The following NR4A3 variants were observed in gnomAD, a reference collection of about 807,000 sequenced individuals.
NR4A3 encodes nuclear receptor subfamily 4 group A member 3.
NR4A3 carries 13 observed loss-of-function variants against 55.6 expected under a neutral mutation model. The observed-to-expected ratio is 0.23, with a 90% CI of 0.15 to 0.37. The LOEUF (loss-of-function observed/expected upper bound fraction) is 0.37. NR4A3 is among the 10% of genes least tolerant of loss of function. NR4A3 has a pLI of 1.00. For synonymous variants in NR4A3, 342 were observed against 357.9 expected (o/e 0.96, Z 0.50); for missense variants, 646 against 822.8 (o/e 0.79, Z 2.63).
intron 5 of NR4A3, among the ~76,000 whole-genome samples, chr9:99,840,699 A>C (rs1827635947): frequency 6.6e-6 from 1 of 152,146 alleles, no homozygotes; most frequent in Non-Finnish European, 1.5e-5. Flanking sequence ...CTGCACAGCA[A>C]GTCAGTGCAG....
chr9:99,839,361 C>T (rs1363837655), intron 5 of NR4A3, among the ~76,000 whole-genome samples: 1 of 152,164 alleles, frequency 6.6e-6, no homozygotes, highest in Non-Finnish European at 1.5e-5. Flanking sequence ...AAAACGTGTC[C>T]TTAGCGTAGT....
At chr9:99,860,149 T>C (rs1429672742) in intron 7 of NR4A3, among the ~76,000 whole-genome samples, 1 of 152,154 alleles carries the variant, frequency 6.6e-6, no homozygotes, top group East Asian at 1.9e-4. Context: ...GAAGAAATAA[T>C]TTTTGCATAG....
At position 99,865,800 on chromosome 9, in the gene NR4A3, T is replaced by C. The variant is rs1337751038; in HGVS notation, c.*1933T>C. ...GTCATTCTAATATTTGATTATGTTA[T>C]GTGTGCTTTTATGAAAGATTGTTAT... On this transcript the variant is annotated 3_prime_UTR_variant, in exon 8 of 8. Transcript: ENST00000395097. This position sits in a 1 kb window ranked among gnomAD's most constrained non-coding sequence, Gnocchi z 4.3. 9.5e-6 allele frequency: 2 copies of C among 210,274 alleles called. No individual in the cohort carries two copies. The highest frequency in any genetic ancestry group is 5.9e-5 in the Admixed American group (1 of 16,962). The allele number at this position is 210,274 out of a possible 1,614,324, so 13.0% of individuals were successfully genotyped here. A position where few individuals can be genotyped will look rare whatever the true frequency, so the allele number is the denominator to read the frequency against.
intron 5 of NR4A3, among the ~76,000 whole-genome samples, chr9:99,834,333 T>C (rs1319753699): frequency 6.6e-6 from 1 of 152,052 alleles, no homozygotes. Flanking sequence ...ACTAAACTTC[T>C]AGCAAAACAG....
At chr9:99,831,505 C>T (rs1232271773) in intron 3 of NR4A3, among the ~76,000 whole-genome samples, 2 of 152,146 alleles carry the variant, frequency 1.3e-5, no homozygotes, top group Admixed American at 1.3e-4. Context: ...TAAAAGGTAA[C>T]AGGGTAAAAC....
chr9:99,859,699 A>AAT (rs1372420973), intron 7 of NR4A3, among the ~76,000 whole-genome samples: 2 of 152,174 alleles, frequency 1.3e-5, no homozygotes, highest in African/African-American at 4.8e-5. Flanking sequence ...ATTCTGCAGT[A>AAT]CCTTCTGTGA....
At chr9:99,832,169 A>C (rs529998142) in intron 3 of NR4A3, among the ~76,000 whole-genome samples, 1 of 152,316 alleles carries the variant, frequency 6.6e-6, no homozygotes, top group African/African-American at 2.4e-5. Context: ...TTTTTGCATT[A>C]AAACATTATT....
rs1175040892 is a variant in NR4A3, at chr9:99,825,190, G to A, written c.-176-469G>A. Reference sequence around the variant, plus strand: ...ATTTCCTATGCAACGTGTAAAATTTGTATTTGAGGGGTGGGGGCGGGCGGA... The same window carrying A: ...ATTTCCTATGCAACGTGTAAAATTTATATTTGAGGGGTGGGGGCGGGCGGA... On this transcript the variant is annotated intron_variant, in intron 1 of 7. Coordinates refer to ENST00000395097, the MANE Select transcript of NR4A3 (RefSeq NM_006981.4). This position sits in a 1 kb window ranked among gnomAD's most constrained non-coding sequence, Gnocchi z 5.0. Among the ~76,000 whole-genome samples the A allele has an allele frequency of 2.0e-5, 3 of 150,790 alleles. No homozygotes were observed. Among genetic ancestry groups the A allele is most frequent in the Non-Finnish European group, 3.0e-5 (2 of 67,712 alleles).
rs1341577457 is a variant in NR4A3, at chr9:99,866,116, T to G, written c.*2249T>G. 1 of 212,178 alleles carries G rather than the reference T, an allele frequency of 4.7e-6. No homozygotes were observed. The highest frequency in any genetic ancestry group is 9.6e-6 in the Non-Finnish European group (1 of 104,496). 13.1% of individuals were successfully genotyped at this position (212,178 alleles called of 1,614,324 possible). A position where few individuals can be genotyped will look rare whatever the true frequency, so the allele number is the denominator to read the frequency against. On this transcript the variant is annotated 3_prime_UTR_variant, in exon 8 of 8. Coordinates refer to ENST00000395097, the MANE Select transcript of NR4A3 (RefSeq NM_006981.4). ...GAAGATAACCATGAGTAAAGTATACTTTTGCATTAATTTTTTGAGCTTATA... is the reference window on the plus strand; with the variant it reads ...GAAGATAACCATGAGTAAAGTATACGTTTGCATTAATTTTTTGAGCTTATA...
rs1828098232 is a variant in NR4A3, at chr9:99,866,399, T to C, written c.*2532T>C. On this transcript the variant is annotated 3_prime_UTR_variant, in exon 8 of 8. Transcript: ENST00000395097. ...CACCCATCAGATTTAAGGAAAAGAC[T>C]TTTTAGCCATTATAATCTAGTGGTT... 4.5e-6 allele frequency: 1 copy of C among 223,416 alleles called. No individual in the cohort carries two copies. Among genetic ancestry groups the C allele is most frequent in the African/African-American group, 2.2e-5 (1 of 44,816 alleles). The allele number at this position is 223,416 out of a possible 1,614,324, so 13.8% of individuals were successfully genotyped here.
rs528159926 is a variant in NR4A3 at position 99,842,934 on chromosome 9, A to G, written c.1255-1715A>G. On this transcript the variant is annotated intron_variant, in intron 5 of 7. Coordinates refer to ENST00000395097, the MANE Select transcript of NR4A3 (RefSeq NM_006981.4). ...AATCCCTACCCATGAGGATCAGTTCAGAAAAGGAATGCAAAATGATGCACA... is the reference window on the plus strand; with the variant it reads ...AATCCCTACCCATGAGGATCAGTTCGGAAAAGGAATGCAAAATGATGCACA... Among the ~76,000 whole-genome samples, 11 of 152,378 alleles carry G rather than the reference A, an allele frequency of 7.2e-5. No individual in the cohort carries two copies. The South Asian group carries it at 2.3e-3, about 32-fold the overall frequency.
intron 7 of NR4A3, among the ~76,000 whole-genome samples, chr9:99,857,875 C>A (rs1423664619): frequency 6.6e-6 from 1 of 152,084 alleles, no homozygotes; most frequent in Non-Finnish European, 1.5e-5. Context: ...TTGTAAAGTT[C>A]TTTACTGTTG....
At chr9:99,859,782 T>A (rs1225813251) in intron 7 of NR4A3, among the ~76,000 whole-genome samples, 2 of 152,204 alleles carry the variant, frequency 1.3e-5, no homozygotes, top group Non-Finnish European at 2.9e-5. Context: ...AACATATTAC[T>A]CAGTTCCTGT....
chr9:99,834,850 T>TCATAA, intron 5 of NR4A3: 1 of 984,854 alleles, frequency 1.0e-6, no homozygotes. Context: ...GGTTGAGGAC[T>TCATAA]CTTATTCTGA....
rs777114849 is a variant in NR4A3, at chr9:99,828,875, C to G, written c.833C>G (p.Pro278Arg). ...CTGCTGGGCGAGAGTCCCAGCCTGC[C>G]GTCGCCGCCCAGCAGGAGCTCGTCG... is the stretch of plus-strand genomic sequence containing the variant. ...SSLLGESPSLPSPPSRSSSSG... is the reference protein window; with the variant it reads ...SSLLGESPSLRSPPSRSSSSG... Residue 278 changes from proline (P) to arginine (R), a missense_variant, in exon 3 of 8, where the codon CCG becomes CGG. Pro to Arg is a moderately radical substitution (Grantham distance 103). Coordinates refer to ENST00000395097, the MANE Select transcript of NR4A3 (RefSeq NM_006981.4). The surrounding 1 kb of genome is among the most constrained non-coding windows in gnomAD (Gnocchi z 7.7). 3 of 1,501,176 alleles carry G rather than the reference C, an allele frequency of 2.0e-6. No homozygotes were observed. The highest frequency in any genetic ancestry group is 2.7e-6 in the Non-Finnish European group (3 of 1,129,142). The allele number at this position is 1,501,176 out of a possible 1,614,324, so 93.0% of individuals were successfully genotyped here. A position where few individuals can be genotyped will look rare whatever the true frequency, so the allele number is the denominator to read the frequency against.
At chr9:99,826,015 A>C (rs1827289479) in intron 2 of NR4A3, among the ~76,000 whole-genome samples, 183 bp downstream of exon 2, 1 of 152,228 alleles carries the variant, frequency 6.6e-6, no homozygotes, top group Non-Finnish European at 1.5e-5. Flanking sequence ...CCCTGTTGCT[A>C]CTGAGTGGAG....
intron 1 of NR4A3, among the ~76,000 whole-genome samples, chr9:99,824,516 G>A (rs1827255028): frequency 6.6e-6 from 1 of 152,220 alleles, no homozygotes. Context: ...CTGGGGCTGG[G>A]GGTGGCAAGG....
Position 99,822,911 on chromosome 9 carries a change from T to G in NR4A3, c.-177+504T>G, listed in dbSNP as rs1564027982. Among the ~76,000 whole-genome samples the G allele has an allele frequency of 2.0e-5, 3 of 152,122 alleles. No individual in the cohort carries two copies. The highest frequency in any genetic ancestry group is 7.2e-5 in the African/African-American group (3 of 41,412). On this transcript the variant is annotated intron_variant, in intron 1 of 7. Transcript: ENST00000395097. The surrounding 1 kb of genome is among the most constrained non-coding windows in gnomAD (Gnocchi z 4.9). ...CCGAGCTGGTTCTCTGGAAGGAAGCTTAGGAGGGAAGGGCCTAGGCAGCGA... is the reference window on the plus strand; with the variant it reads ...CCGAGCTGGTTCTCTGGAAGGAAGCGTAGGAGGGAAGGGCCTAGGCAGCGA...
At chr9:99,833,233 TC>T in intron 4 of NR4A3, 48 bp from the exon 5 acceptor site, 3 of 1,537,870 alleles carry the variant, frequency 2.0e-6, no homozygotes, top group Non-Finnish European at 2.6e-6. Flanking sequence ...TTATGGTCGT[TC>T]ATTCCATAAT....
Sources: allele counts gnomAD v4.1 joint callset (sites outside exome capture counted in the v4.1 genomes callset), GRCh38; gene constraint gnomAD v4.1.1; non-coding constraint Gnocchi (gnomAD v3.1); transcripts MANE v1.5; gene names NCBI Gene and HGNC (gene_info 2026-07-23, HGNC 2026-07-21).